CAD: variants seen among roughly 807,000 people sequenced by gnomAD.
The protein encoded by CAD is carbamoyl-phosphate synthetase 2, aspartate transcarbamylase, and dihydroorotase.
CAD carries 81 observed loss-of-function variants against 237.2 expected under a neutral mutation model. The observed-to-expected ratio is 0.34, with a 90% CI of 0.29 to 0.41. The LOEUF is 0.41. Ranked by LOEUF, CAD falls within the 10% of genes least tolerant of loss-of-function variation. The pLI, the probability that CAD is intolerant of heterozygous loss-of-function variation, is 1.00. For missense variants in CAD, 2,181 were observed against 2,951.7 expected (o/e 0.74, Z 6.05); for synonymous variants, 1,196 against 1,162.8 (o/e 1.03, Z -0.58).
In CAD at chr2:27,225,106, G is replaced by C. The variant is rs142632262; in HGVS notation, c.1483G>C (p.Ala495Pro). ...GGAGCTGACCAAGGCCGGGGTGCTG[G>C]CTCGGTATGGGGTCCGGGTCCTGGG... ...GVELTKAGVL[A>P]RYGVRVLGTP... Residue 495 changes from alanine to proline, a missense_variant, in exon 11 of 44, where the codon GCT becomes CCT. Physicochemically the swap from Ala to Pro is conservative, Grantham distance 27. Coordinates refer to ENST00000264705, the MANE Select transcript of CAD (RefSeq NM_004341.5). The C allele has an allele frequency of 1.9e-4, 313 of 1,614,020 alleles. No homozygotes were observed. Among genetic ancestry groups the C allele is most frequent in the Non-Finnish European group, 2.5e-4 (300 of 1,180,048 alleles).
Position 27,234,335 on chromosome 2 carries a change from G to A in CAD, c.3618+109G>A. ...TCTCCTGCCTTCATCCAAGTAGGCA[G>A]GGAAGCTGGAGGGAAAGGGCTGTAG... is the stretch of plus-strand genomic sequence containing the variant. On this transcript the variant is annotated intron_variant, in intron 22 of 43. Transcript: ENST00000264705. The A allele has an allele frequency of 3.2e-6, 4 of 1,243,788 alleles. No individual in the cohort carries two copies. In the Admixed American group the frequency reaches 5.3e-5, roughly 17 times the overall value. 77.0% of individuals were successfully genotyped at this position (1,243,788 alleles called of 1,614,324 possible).
At position 27,236,614 on chromosome 2, in the gene CAD, A is replaced by G. The variant is rs1676015580; in HGVS notation, c.4314+91A>G. On this transcript the variant is annotated intron_variant, in intron 26 of 43. Transcript: ENST00000264705. The surrounding 1 kb of genome is among the most constrained non-coding windows in gnomAD (Gnocchi z 4.1). Reference sequence around the variant, plus strand: ...GTGAGTATGGAACAGCCATGCTAGTAATAAAGCTTTGTGGCTACAGAGGGA... The same window carrying G: ...GTGAGTATGGAACAGCCATGCTAGTGATAAAGCTTTGTGGCTACAGAGGGA... 7 of 1,577,188 alleles carry G rather than the reference A, an allele frequency of 4.4e-6. No homozygotes were observed. Among genetic ancestry groups the G allele is most frequent in the Non-Finnish European group, 6.1e-6 (7 of 1,152,516 alleles).
At position 27,235,342 on chromosome 2, in the gene CAD, G is replaced by A. The variant is rs1211373184; in HGVS notation, c.3884G>A (p.Arg1295His). The A allele has an allele frequency of 3.1e-6, 5 of 1,613,912 alleles. No homozygotes were observed. The highest frequency in any genetic ancestry group is 1.3e-5 in the African/African-American group (1 of 74,888). The change falls in exon 24 of 44, where the codon CGC becomes CAC. Residue 1295 changes from arginine to histidine, a missense_variant. Arg to His is a conservative substitution (Grantham distance 29). This residue lies in a region of CAD where 306 missense variants were observed against 607.9 expected (regional missense o/e 0.50). Transcript: ENST00000264705. The surrounding 1 kb of genome is among the most constrained non-coding windows in gnomAD (Gnocchi z 5.2). ...GAGGTGGCCGGCTTTGGGGAGAGCC[G>A]CTGTGAGGCATACCTCAAGGCCATG... is the stretch of plus-strand genomic sequence containing the variant. Reference protein sequence around the residue: ...TGEVAGFGESRCEAYLKAMLS... With the variant: ...TGEVAGFGESHCEAYLKAMLS...
chr2:27,236,493 C>T lies in CAD; in HGVS notation c.4284C>T (p.Ile1428=), dbSNP rs748541858. The T allele has an allele frequency of 3.7e-6, 6 of 1,612,868 alleles. No individual in the cohort carries two copies. The highest frequency in any genetic ancestry group is 1.1e-5 in the South Asian group (1 of 91,082). ...CTGACTTCTCCGTGCCCCTAATCAT[C>T]GATATCAAGTGCACCAAACTCTTTG... ...LAADFSVPLI[I]DIKCTKLFVE... is the part of the protein sequence containing the mutation. The change falls in exon 26 of 44, where the codon ATC becomes ATT. Residue 1428 remains isoleucine, a synonymous_variant. Transcript: ENST00000264705. This position sits in a 1 kb window ranked among gnomAD's most constrained non-coding sequence, Gnocchi z 4.1.
chr2:27,219,174 A>AGGG (rs1467291936), intron 2 of CAD, among the ~76,000 whole-genome samples: 1 of 152,192 alleles, frequency 6.6e-6, no homozygotes, highest in Non-Finnish European at 1.5e-5. Context: ...CTGGCCAGGG[A>AGGG]GGGTTCTGCC....
rs867468250 is a variant in CAD at position 27,237,670 on chromosome 2, G to T, written c.4564-48G>T. 1.3e-6 allele frequency: 2 copies of T among 1,588,106 alleles called. No individual in the cohort carries two copies. Among genetic ancestry groups the T allele is most frequent in the Non-Finnish European group, 1.7e-6 (2 of 1,165,082 alleles). ...CAGGCCACTGGTGCCAGGCTAGCCTGTGTGGGCATGGGTGCCAGTGAGCCT... is the reference window on the plus strand; with the variant it reads ...CAGGCCACTGGTGCCAGGCTAGCCTTTGTGGGCATGGGTGCCAGTGAGCCT... On this transcript the variant is annotated intron_variant, in intron 28 of 43. Coordinates refer to ENST00000264705, the MANE Select transcript of CAD (RefSeq NM_004341.5). This position sits in a 1 kb window ranked among gnomAD's most constrained non-coding sequence, Gnocchi z 4.0.
In CAD at chr2:27,234,002, C is replaced by T. The variant is rs777088230; in HGVS notation, c.3400-6C>T. 1.9e-5 allele frequency: 30 copies of T among 1,612,612 alleles called. No homozygotes were observed. The highest frequency in any genetic ancestry group is 8.8e-5 in the South Asian group (8 of 90,904). On this transcript the variant is annotated splice_polypyrimidine_tract_variant and splice_region_variant and intron_variant, in intron 21 of 43. Coordinates refer to ENST00000264705, the MANE Select transcript of CAD (RefSeq NM_004341.5). ...CTATGTCCCACTGTCTGTGTCCCCC[C>T]GCTAGGAGATTGACGTGGATGCCGT...
In CAD at chr2:27,224,486, C is replaced by G; in HGVS notation, c.1250C>G (p.Ser417Cys). Residue 417 changes from serine (S) to cysteine (C), a missense_variant, in exon 9 of 44, where the codon TCT becomes TGT. Physicochemically the swap from Ser to Cys is moderately radical, Grantham distance 112. Coordinates refer to ENST00000264705, the MANE Select transcript of CAD (RefSeq NM_004341.5). ...GCTGGAGAATTTGACTACTCGGGCT[C>G]TCAGGTGAGGCATGTTCCTCCCCAC... ...GQAGEFDYSG[S>C]QAIKALKEEN... is the part of the protein sequence containing the mutation. 1 of 1,613,992 alleles carries G rather than the reference C, an allele frequency of 6.2e-7. No individual in the cohort carries two copies. The highest frequency in any genetic ancestry group is 1.1e-5 in the South Asian group (1 of 91,074).
chr2:27,224,152 G>T (rs866766603), intron 8 of CAD, 123 bp downstream of exon 8: 1 of 920,350 alleles, frequency 1.1e-6, no homozygotes, highest in Non-Finnish European at 1.7e-6. Context: ...TTGGGGATGG[G>T]TGGCAACCAA....
At chr2:27,226,483 C>T (rs757222731) in intron 13 of CAD, 42 bp from the exon 14 acceptor site, 6 of 1,605,178 alleles carry the variant, frequency 3.7e-6, no homozygotes, top group Non-Finnish European at 5.1e-6. Flanking sequence ...CTCTCCTAGA[C>T]AGGGTCTTCT....
At position 27,226,314 on chromosome 2, in the gene CAD, G is replaced by C; in HGVS notation, c.2026G>C (p.Glu676Gln). ...NVQYALNPES[E>Q]QYYIIEVNAR... ...GCAGTATGCCTTGAACCCTGAGTCTGAGCAGGTAAGCTCTAGGCCCTGGAA... is the reference window on the plus strand; with the variant it reads ...GCAGTATGCCTTGAACCCTGAGTCTCAGCAGGTAAGCTCTAGGCCCTGGAA... Residue 676 changes from glutamate to glutamine, a missense_variant, in exon 13 of 44, where the codon GAG becomes CAG. By Grantham distance (29) the Glu-to-Gln change is conservative. Transcript: ENST00000264705. 6.2e-7 allele frequency: 1 copy of C among 1,613,982 alleles called. No homozygotes were observed. Among genetic ancestry groups the C allele is most frequent in the Non-Finnish European group, 8.5e-7 (1 of 1,179,890 alleles).
At chr2:27,226,018 G>A in intron 12 of CAD, 92 bp downstream of exon 12, 7 of 1,491,636 alleles carry the variant, frequency 4.7e-6, no homozygotes, top group Non-Finnish European at 6.5e-6. Context: ...AGAGTTGTAT[G>A]TCCCTCAGAC....
In CAD at chr2:27,239,303, C is replaced by T; in HGVS notation, c.5254-28C>T. Reference sequence around the variant, plus strand: ...GGATATGTTCTCTGGGGATCCTTTCCCTAGCATAACCCATGTCCTCTGGGC... The same window carrying T: ...GGATATGTTCTCTGGGGATCCTTTCTCTAGCATAACCCATGTCCTCTGGGC... On this transcript the variant is annotated intron_variant, in intron 32 of 43. Coordinates refer to ENST00000264705, the MANE Select transcript of CAD (RefSeq NM_004341.5). This position sits in a 1 kb window ranked among gnomAD's most constrained non-coding sequence, Gnocchi z 4.0. 7 of 1,606,024 alleles carry T rather than the reference C, an allele frequency of 4.4e-6. No individual in the cohort carries two copies. Among genetic ancestry groups the T allele is most frequent in the Non-Finnish European group, 6.0e-6 (7 of 1,173,566 alleles).
At position 27,235,207 on chromosome 2, in the gene CAD, C is replaced by T; in HGVS notation, c.3787-38C>T. 7.1e-6 allele frequency: 11 copies of T among 1,550,682 alleles called. No individual in the cohort carries two copies. Among genetic ancestry groups the T allele is most frequent in the Non-Finnish European group, 9.6e-6 (11 of 1,142,232 alleles). On this transcript the variant is annotated intron_variant, in intron 23 of 43. Transcript: ENST00000264705. This position sits in a 1 kb window ranked among gnomAD's most constrained non-coding sequence, Gnocchi z 5.2. ...CTGCTGGTGAGGGAGGAGGTCCTCT[C>T]ACACCTTGGCCCTCTCTCTTCCCTC... is the stretch of plus-strand genomic sequence containing the variant.
At position 27,241,986 on chromosome 2, in the gene CAD, C is replaced by G; in HGVS notation, c.5959C>G (p.Leu1987Val). ...CTCCTTTGCAGCAGCCATGGCCCGG[C>G]TGGGAGGTGCTGTGCTCAGCTTCTC... ...SSSFAAAMARLGGAVLSFSEA... is the reference protein window; with the variant it reads ...SSSFAAAMARVGGAVLSFSEA... Residue 1987 changes from leucine to valine, a missense_variant, in exon 39 of 44, where the codon CTG becomes GTG. Coordinates refer to ENST00000264705, the MANE Select transcript of CAD (RefSeq NM_004341.5). The surrounding 1 kb of genome is among the most constrained non-coding windows in gnomAD (Gnocchi z 4.6). 6.2e-7 allele frequency: 1 copy of G among 1,613,472 alleles called. No homozygotes were observed. The highest frequency in any genetic ancestry group is 8.5e-7 in the Non-Finnish European group (1 of 1,180,026).
chr2:27,238,080 C>T lies in CAD; in HGVS notation c.4753C>T (p.Leu1585Phe), dbSNP rs997368572. The T allele has an allele frequency of 4.3e-6, 7 of 1,614,112 alleles. No individual in the cohort carries two copies. Among genetic ancestry groups the T allele is most frequent in the Non-Finnish European group, 5.9e-6 (7 of 1,180,050 alleles). The change falls in exon 30 of 44, where the codon CTC (leucine) becomes TTC (phenylalanine). Residue 1585 changes from leucine (L) to phenylalanine (F), a missense_variant. Leu to Phe is a conservative substitution (Grantham distance 22). Around this residue, in one of 12 missense-constraint regions of CAD, gnomAD observed 478 missense variants for 515.0 expected, o/e 0.93. Transcript: ENST00000264705. ...GCATTTCGAGACATGGCCCTCCCAC[C>T]TCCCCATTGTGGCTCACGCAGAGCA... ...MEHFETWPSH[L>F]PIVAHAEQQT...
At chr2:27,243,145 T>G in intron 42 of CAD, 53 bp from the exon 43 acceptor site, 2 of 1,564,030 alleles carry the variant, frequency 1.3e-6, no homozygotes, top group Non-Finnish European at 1.8e-6. Context: ...ACTTGTGTCC[T>G]CTGTAGCCAC....
chr2:27,233,294 T>C lies in CAD; in HGVS notation c.2992-18T>C. The C allele has an allele frequency of 6.2e-7, 1 of 1,607,834 alleles. No homozygotes were observed. Among genetic ancestry groups the C allele is most frequent in the Non-Finnish European group, 8.5e-7 (1 of 1,174,418 alleles). On this transcript the variant is annotated intron_variant, in intron 19 of 43. Transcript: ENST00000264705. The surrounding 1 kb of genome is among the most constrained non-coding windows in gnomAD (Gnocchi z 6.3). ...CCCTCTTTTGCTGCCACCACTTGTT[T>C]CTCCCCCTGCAACGTAGGTGGTGAT...
intron 2 of CAD, among the ~76,000 whole-genome samples, chr2:27,218,914 G>A (rs187037584): frequency 3.9e-5 from 6 of 152,216 alleles, no homozygotes; most frequent in East Asian, 1.9e-4. Context: ...AGTGAGCTCC[G>A]GATAAAGGAC....
Sources: allele counts gnomAD v4.1 joint callset (sites outside exome capture counted in the v4.1 genomes callset), GRCh38; gene constraint gnomAD v4.1.1; regional missense constraint gnomAD v4.1.1; non-coding constraint Gnocchi (gnomAD v3.1); transcripts MANE v1.5; gene names NCBI Gene and HGNC (gene_info 2026-07-23, HGNC 2026-07-21).